The following UPF1 variants were observed in gnomAD, a reference collection of about 807,000 sequenced individuals.
The protein encoded by UPF1 is regulator of nonsense transcripts 1.
UPF1 carries 9 observed loss-of-function variants against 129.2 expected under a neutral mutation model. That is an observed-to-expected ratio of 0.07 (90% CI 0.04 to 0.12). UPF1 has a LOEUF of 0.12. Ranked by LOEUF, UPF1 falls within the 10% of genes least tolerant of loss-of-function variation. The pLI is 1.00. For synonymous variants in UPF1, 649 were observed against 644.9 expected (o/e 1.01, Z -0.10); for missense variants, 788 against 1,525.3 (o/e 0.52, Z 8.05).
Position 18,862,004 on chromosome 19 carries a change from T to C in UPF1, c.2458-6T>C. 2 of 1,613,790 alleles carry C rather than the reference T, an allele frequency of 1.2e-6. No individual in the cohort carries two copies. Among genetic ancestry groups the C allele is most frequent in the Non-Finnish European group, 1.7e-6 (2 of 1,179,966 alleles). On this transcript the variant is annotated splice_polypyrimidine_tract_variant and splice_region_variant and intron_variant, in intron 17 of 23. Coordinates refer to ENST00000262803, the MANE Select transcript of UPF1 (RefSeq NM_002911.4). Reference sequence around the variant, plus strand: ...GGCTGATAGTGACCACAAAGCTCCCTTCCAGGAGGTGGAGATCGCCAGTGT... The same window carrying C: ...GGCTGATAGTGACCACAAAGCTCCCCTCCAGGAGGTGGAGATCGCCAGTGT...
rs370161327 is a variant in UPF1 at position 18,861,076 on chromosome 19, G to T, written c.2457+94G>T. On this transcript the variant is annotated intron_variant, in intron 17 of 23. Transcript: ENST00000262803. The stretch of plus-strand genomic sequence containing the variant: ...TTACCCCCCAAGAGGGGCCCGTCCT[G>T]GCTGGAGCTCAGAATGGCCCAGGAA... The T allele has an allele frequency of 3.4e-6, 5 of 1,449,996 alleles. 1 individual carries two copies. In the South Asian group the frequency reaches 5.5e-5, roughly 16 times the overall value. The allele number at this position is 1,449,996 out of a possible 1,614,324, so 89.8% of individuals were successfully genotyped here.
rs2055682277 is a variant in UPF1 at position 18,853,490 on chromosome 19, C to T, written c.1156+140C>T. Reference sequence around the variant, plus strand: ...GGTGGGTGCTGGTTGGCATCGCCCTCCACTGCTCTTAGGAGAATCACAGGG... The same window carrying T: ...GGTGGGTGCTGGTTGGCATCGCCCTTCACTGCTCTTAGGAGAATCACAGGG... On this transcript the variant is annotated intron_variant, in intron 8 of 23. Coordinates refer to ENST00000262803, the MANE Select transcript of UPF1 (RefSeq NM_002911.4). The surrounding 1 kb of genome is among the most constrained non-coding windows in gnomAD (Gnocchi z 4.4). The T allele has an allele frequency of 6.5e-6, 5 of 770,484 alleles. No individual in the cohort carries two copies. The East Asian group carries it at 1.4e-4, about 22-fold the overall frequency. The allele number at this position is 770,484 out of a possible 1,614,324, so 47.7% of individuals were successfully genotyped here. A position where few individuals can be genotyped will look rare whatever the true frequency, so the allele number is the denominator to read the frequency against.
At chr19:18,862,238 A>G in intron 18 of UPF1, 86 bp downstream of exon 18, 1 of 1,555,382 alleles carries the variant, frequency 6.4e-7, no homozygotes, top group Non-Finnish European at 8.7e-7. Flanking sequence ...GGGGGTTGCC[A>G]GGGCCAGAGG....
rs1050743283 is a variant in UPF1 at position 18,860,585 on chromosome 19, T to C, written c.2300+147T>C. On this transcript the variant is annotated intron_variant, in intron 16 of 23. Coordinates refer to ENST00000262803, the MANE Select transcript of UPF1 (RefSeq NM_002911.4). Reference sequence around the variant, plus strand: ...CCTGTTTAGACTCTAAACCGTGTTGTTTCTGCCTCCTTTTCCATTGTACTT... The same window carrying C: ...CCTGTTTAGACTCTAAACCGTGTTGCTTCTGCCTCCTTTTCCATTGTACTT... The C allele has an allele frequency of 5.3e-6, 5 of 945,414 alleles. No homozygotes were observed. The African/African-American group carries it at 8.2e-5, about 16-fold the overall frequency. 58.6% of individuals were successfully genotyped at this position (945,414 alleles called of 1,614,324 possible). A position where few individuals can be genotyped will look rare whatever the true frequency, so the allele number is the denominator to read the frequency against.
chr19:18,865,498 G>C lies in UPF1; in HGVS notation c.3019+48G>C, dbSNP rs766270883. 1.2e-6 allele frequency: 2 copies of C among 1,612,394 alleles called. No homozygotes were observed. The highest frequency in any genetic ancestry group is 4.5e-5 in the East Asian group (2 of 44,834). ...GGGTGTGGCCCTCCTGAGAGCTCTTGAGGGTGTGCTTGTCTGCGAGGCCCT... is the reference window on the plus strand; with the variant it reads ...GGGTGTGGCCCTCCTGAGAGCTCTTCAGGGTGTGCTTGTCTGCGAGGCCCT... On this transcript the variant is annotated intron_variant, in intron 21 of 23. Coordinates refer to ENST00000262803, the MANE Select transcript of UPF1 (RefSeq NM_002911.4). The surrounding 1 kb of genome is among the most constrained non-coding windows in gnomAD (Gnocchi z 6.1).
chr19:18,864,679 C>T (rs2055819993), intron 20 of UPF1, among the ~76,000 whole-genome samples: 1 of 151,444 alleles, frequency 6.6e-6, no homozygotes, highest in Non-Finnish European at 1.5e-5. Context: ...TGCTCAGCCT[C>T]CCAAAGTGCT....
chr19:18,846,072 T>C lies in UPF1; in HGVS notation c.324T>C (p.Asp108=), dbSNP rs764320652. The stretch of plus-strand genomic sequence containing the variant: ...TGGCTGAGTTGAACTTCGAGGAAGA[T>C]GAAGAAGACACCTATTACACGAAGG... ...QLLAELNFEE[D]EEDTYYTKDL... Residue 108 remains aspartate, a synonymous_variant, in exon 2 of 24, where the codon GAT becomes GAC. Transcript: ENST00000262803. The C allele has an allele frequency of 3.1e-6, 5 of 1,614,156 alleles. No individual in the cohort carries two copies. Among genetic ancestry groups the C allele is most frequent in the Non-Finnish European group, 4.2e-6 (5 of 1,180,030 alleles).
chr19:18,855,554 G>A (rs1347887586), intron 11 of UPF1: 6 of 520,802 alleles, frequency 1.2e-5, no homozygotes, highest in Middle Eastern at 5.1e-4. Context: ...CCTTGGCATT[G>A]CTTGCGGTGG....
Position 18,866,501 on chromosome 19 carries a change from G to T in UPF1, c.*4-20G>T. 3.7e-6 allele frequency: 1 copy of T among 268,072 alleles called. No individual in the cohort carries two copies. Among genetic ancestry groups the T allele is most frequent in the South Asian group, 8.9e-5 (1 of 11,210 alleles). 16.6% of individuals were successfully genotyped at this position (268,072 alleles called of 1,614,324 possible). A position where few individuals can be genotyped will look rare whatever the true frequency, so the allele number is the denominator to read the frequency against. ...AGGTCGCAGCCTCTCACCGCCTCCT[G>T]CCCTTCTCCCTCCTGACAGGTGGCG... On this transcript the variant is annotated intron_variant, in intron 23 of 23. Transcript: ENST00000262803.
chr19:18,862,180 C>T, intron 18 of UPF1, 28 bp downstream of exon 18: 1 of 1,608,998 alleles, frequency 6.2e-7, no homozygotes, highest in Non-Finnish European at 8.5e-7. Context: ...TGCATGCTGC[C>T]CAGCCGCTCA....
chr19:18,836,681 CTTATGG>C (rs1260775721), intron 1 of UPF1, among the ~76,000 whole-genome samples: 5 of 151,224 alleles, frequency 3.3e-5, no homozygotes, highest in African/African-American at 1.2e-4. Context: ...ACATTTGCAG[CTTATGG>C]TATGTCAGTT....
intron 1 of UPF1, among the ~76,000 whole-genome samples, chr19:18,839,114 C>T (rs868253063): frequency 3.3e-5 from 5 of 152,072 alleles, no homozygotes; most frequent in African/African-American, 4.8e-5. Context: ...TCTTTTTAGA[C>T]GGAGTCTCGC....
rs761951831 is a variant in UPF1 at position 18,862,066 on chromosome 19, C to G, written c.2514C>G (p.Ile838Met). 1.2e-6 allele frequency: 2 copies of G among 1,614,118 alleles called. No individual in the cohort carries two copies. Among genetic ancestry groups the G allele is most frequent in the Non-Finnish European group, 1.7e-6 (2 of 1,180,032 alleles). ...AGGGACGCGAGAAGGACTTCATCAT[C>G]CTGTCCTGTGTGCGGGCCAACGAGC... ...AFQGREKDFI[I>M]LSCVRANEHQ... is the part of the protein sequence containing the mutation. Residue 838 changes from isoleucine to methionine, a missense_variant, in exon 18 of 24, where the codon ATC becomes ATG. By Grantham distance (10) the Ile-to-Met change is conservative. This residue lies in a region of UPF1 where 140 missense variants were observed against 385.9 expected (regional missense o/e 0.36). Coordinates refer to ENST00000262803, the MANE Select transcript of UPF1 (RefSeq NM_002911.4).
intron 1 of UPF1, among the ~76,000 whole-genome samples, chr19:18,838,589 G>A (rs950602417): frequency 1.1e-4 from 16 of 151,450 alleles, no homozygotes; most frequent in African/African-American, 2.9e-4. Flanking sequence ...TGGAGGTTGC[G>A]GTGAGCTGAG....
At chr19:18,861,054 C>G (rs148408284) in intron 17 of UPF1, 72 bp downstream of exon 17, 4 of 1,486,804 alleles carry the variant, frequency 2.7e-6, no homozygotes, top group Non-Finnish European at 2.7e-6. Context: ...CTTTAAGTTA[C>G]CCCCCAAGAG....
chr19:18,861,959 G>T (rs756667572), intron 17 of UPF1, 51 bp from the exon 18 acceptor site: 1 of 1,602,574 alleles, frequency 6.2e-7, no homozygotes. Flanking sequence ...ATTTTGGGGG[G>T]ACTGGGAAGG....
chr19:18,859,883 G>A (rs907942702), intron 15 of UPF1: 2 of 155,276 alleles, frequency 1.3e-5, no homozygotes, highest in African/African-American at 4.8e-5. Flanking sequence ...CGGTCAACAG[G>A]CCCTCAGCAG....
intron 20 of UPF1, among the ~76,000 whole-genome samples, chr19:18,864,882 G>A (rs2055824621): frequency 1.3e-5 from 2 of 152,046 alleles, no homozygotes; most frequent in African/African-American, 4.8e-5. Context: ...GGGATTACAA[G>A]CACCCACCAC....
In UPF1 at chr19:18,850,618, G is replaced by T; in HGVS notation, c.630-70G>T. Reference sequence around the variant, plus strand: ...CCCTTTGGGTGAAAGGTCAGCATGGGAGGGGGCCCTCCCTGCTCCGGGGCT... The same window carrying T: ...CCCTTTGGGTGAAAGGTCAGCATGGTAGGGGGCCCTCCCTGCTCCGGGGCT... On this transcript the variant is annotated intron_variant, in intron 4 of 23. Coordinates refer to ENST00000262803, the MANE Select transcript of UPF1 (RefSeq NM_002911.4). This position sits in a 1 kb window ranked among gnomAD's most constrained non-coding sequence, Gnocchi z 7.1. The T allele has an allele frequency of 6.8e-7, 1 of 1,472,090 alleles. No homozygotes were observed. Among genetic ancestry groups the T allele is most frequent in the Non-Finnish European group, 9.0e-7 (1 of 1,113,832 alleles). The allele number at this position is 1,472,090 out of a possible 1,614,324, so 91.2% of individuals were successfully genotyped here.
Sources: allele counts gnomAD v4.1 joint callset (sites outside exome capture counted in the v4.1 genomes callset), GRCh38; gene constraint gnomAD v4.1.1; regional missense constraint gnomAD v4.1.1; non-coding constraint Gnocchi (gnomAD v3.1); transcripts MANE v1.5; gene names NCBI Gene and HGNC (gene_info 2026-07-23, HGNC 2026-07-21).